The following ARMC2 variants were observed in gnomAD, a reference collection of about 807,000 sequenced individuals.
ARMC2 encodes the protein armadillo repeat containing 2, also known as armadillo repeat-containing protein 2.
ARMC2 carries 67 observed loss-of-function variants against 90.3 expected under a neutral mutation model. The ratio of observed to expected loss-of-function variants is 0.74; its 90% confidence interval spans 0.61 to 0.91. The LOEUF (loss-of-function observed/expected upper bound fraction) is 0.91. Among genes scored for constraint, ARMC2 ranks in the 40% least tolerant of loss-of-function variants. The pLI, the probability that ARMC2 is intolerant of heterozygous loss-of-function variation, is 0.00. For synonymous variants in ARMC2, 393 were observed against 393.0 expected, an observed-to-expected ratio of 1.00 and a Z score of 0.00; for missense variants, 920 against 1,030.9, an observed-to-expected ratio of 0.89 and a Z score of 1.47.
At chr6:108,883,296 G>C (rs2128446077) in intron 5 of ARMC2, among the ~76,000 whole-genome samples, 1 of 152,310 alleles carries the variant, frequency 6.6e-6, no homozygotes, top group Admixed American at 6.5e-5. Flanking sequence ...TGAACTGAGG[G>C]AATATACTAC....
At chr6:108,857,488 T>C (rs1195559813) in intron 2 of ARMC2, among the ~76,000 whole-genome samples, 1 of 152,214 alleles carries the variant, frequency 6.6e-6, no homozygotes, top group Non-Finnish European at 1.5e-5. Context: ...CCAATCTGTA[T>C]GCTTTTAATT....
chr6:109,008,591 TCA>T, the ARMC2 span, among the ~76,000 whole-genome samples: 2 of 152,168 alleles, frequency 1.3e-5, no homozygotes, highest in East Asian at 1.9e-4. Flanking sequence ...AAAAAATAAT[TCA>T]CATTTAGATT....
At chr6:108,992,903 G>A in the ARMC2 span, 1 of 1,584,286 alleles carries the variant, frequency 6.3e-7, no homozygotes, top group South Asian at 1.1e-5. Context: ...TCATCATCTG[G>A]GAAAAAAGGC....
the ARMC2 span, among the ~76,000 whole-genome samples, chr6:109,031,660 GC>G: frequency 1.3e-4 from 20 of 152,302 alleles, no homozygotes; most frequent in African/African-American, 4.1e-4. Flanking sequence ...CAGTGAGCTA[GC>G]CAGTCTCCCT....
At position 108,868,878 on chromosome 6, in the gene ARMC2, C is replaced by T. The variant is rs753358737; in HGVS notation, c.346C>T (p.Pro116Ser). 1.9e-6 allele frequency: 3 copies of T among 1,613,984 alleles called. No individual in the cohort carries two copies. The highest frequency in any genetic ancestry group is 4.5e-5 in the East Asian group (2 of 44,886). Residue 116 changes from proline (P) to serine (S), a missense_variant, in exon 4 of 18, where the codon CCT (proline) becomes TCT (serine). Physicochemically the swap from Pro to Ser is moderately conservative, Grantham distance 74. Transcript: ENST00000392644. Reference sequence around the variant, plus strand: ...AGAGGAGGATTCCTGCTTTTCCTTTCCTAAGCCCCCAGTGGACCCTGCGAA... The same window carrying T: ...AGAGGAGGATTCCTGCTTTTCCTTTTCTAAGCCCCCAGTGGACCCTGCGAA... ...TREEDSCFSF[P>S]KPPVDPAKIR...
the ARMC2 span, among the ~76,000 whole-genome samples, chr6:109,027,193 C>T: frequency 6.6e-6 from 1 of 151,814 alleles, no homozygotes; most frequent in Non-Finnish European, 1.5e-5. Flanking sequence ...TACATCTTGG[C>T]TGGGGGTGGT....
intron 17 of ARMC2, among the ~76,000 whole-genome samples, chr6:108,971,623 T>TA (rs1316766253): frequency 2.7e-5 from 4 of 150,906 alleles, no homozygotes; most frequent in Non-Finnish European, 5.9e-5. Context: ...CATTGGCCCT[T>TA]AAAAAAAAAG....
the ARMC2 span, among the ~76,000 whole-genome samples, chr6:109,033,059 G>A: frequency 2.6e-5 from 4 of 152,132 alleles, no homozygotes; most frequent in Non-Finnish European, 5.9e-5. Flanking sequence ...TACAGACAAT[G>A]CTATGGATTC....
At chr6:108,969,952 CT>C (rs2128519522) in intron 17 of ARMC2, among the ~76,000 whole-genome samples, 1 of 152,252 alleles carries the variant, frequency 6.6e-6, no homozygotes, top group South Asian at 2.1e-4. Flanking sequence ...GGGAGAATCA[CT>C]TGAGCCCAGG....
intron 11 of ARMC2, among the ~76,000 whole-genome samples, chr6:108,931,057 G>T (rs1468681359): frequency 6.6e-6 from 1 of 151,678 alleles, no homozygotes; most frequent in African/African-American, 2.4e-5. Flanking sequence ...TATCTTTTCT[G>T]CTCCCCTCCC....
intron 10 of ARMC2, among the ~76,000 whole-genome samples, chr6:108,924,670 G>T (rs1774943655): frequency 6.6e-6 from 1 of 152,280 alleles, no homozygotes; most frequent in South Asian, 2.1e-4. Flanking sequence ...CAAAGGAGAT[G>T]AGTTTGGAGG....
chr6:108,939,703 A>G (rs1272917988), intron 12 of ARMC2, among the ~76,000 whole-genome samples: 2 of 152,238 alleles, frequency 1.3e-5, no homozygotes, highest in Non-Finnish European at 2.9e-5. Context: ...TAAAATACCT[A>G]TTAAAATTAT....
At chr6:109,032,430 A>G in the ARMC2 span, among the ~76,000 whole-genome samples, 13 of 152,140 alleles carry the variant, frequency 8.5e-5, no homozygotes, top group Admixed American at 8.5e-4. Flanking sequence ...CAGCCTGGCC[A>G]ACATAGTGAA....
the ARMC2 span, among the ~76,000 whole-genome samples, chr6:109,029,505 C>T: frequency 6.6e-6 from 1 of 152,090 alleles, no homozygotes; most frequent in Non-Finnish European, 1.5e-5. Context: ...CTCCTCAAGC[C>T]ACTCCTTTCC....
At chr6:108,883,443 C>G (rs1777785655) in intron 5 of ARMC2, among the ~76,000 whole-genome samples, 1 of 152,158 alleles carries the variant, frequency 6.6e-6, no homozygotes. Flanking sequence ...TAAAACTAAA[C>G]AACTCTGCTT....
chr6:108,899,580 T>C, intron 6 of ARMC2, 114 bp from the exon 7 acceptor site: 1 of 771,870 alleles, frequency 1.3e-6, no homozygotes, highest in Non-Finnish European at 2.2e-6. Flanking sequence ...GAGCAAAGGG[T>C]AATTTAATTC....
chr6:109,006,833 G>A, the ARMC2 span, among the ~76,000 whole-genome samples: 1 of 152,156 alleles, frequency 6.6e-6, no homozygotes, highest in African/African-American at 2.4e-5. Context: ...GTGATCATAA[G>A]CCAAACTAAA....
In ARMC2 at chr6:108,854,415, G is replaced by T; in HGVS notation, c.148G>T (p.Glu50Ter). ...VRTQRPFTPQ[E>*]AQRKLFGPAS... is the part of the protein sequence containing the mutation. ...AACCCAAAGACCATTTACACCACAG[G>T]AGGCTCAAAGAAAACTATTCGGACC... is the stretch of plus-strand genomic sequence containing the variant. The change falls in exon 2 of 18, where the codon GAG (glutamate) becomes TAG (stop). Residue 50 changes from glutamate to a stop codon, truncating the protein, a stop_gained. Transcript: ENST00000392644. LOFTEE classifies it high-confidence loss of function. 6.2e-7 allele frequency: 1 copy of T among 1,613,426 alleles called. No homozygotes were observed.
chr6:109,003,484 A>G, the ARMC2 span, among the ~76,000 whole-genome samples: 2 of 152,186 alleles, frequency 1.3e-5, no homozygotes, highest in Non-Finnish European at 2.9e-5. Context: ...TTAAGCAGGA[A>G]GGACAAAAGT....
Sources: gnomAD v4.1 joint callset for allele counts (sites outside exome capture counted in the v4.1 genomes callset) on GRCh38, gnomAD v4.1.1 for gene constraint, MANE v1.5 for transcripts, NCBI Gene and HGNC (gene_info 2026-07-23, HGNC 2026-07-21) for gene names.